Variants in ARID1A observed in about 807,000 individuals in gnomAD.
ARID1A encodes the protein AT-rich interactive domain-containing protein 1A.
A neutral mutation model predicts 212.6 loss-of-function variants in ARID1A; 20 were observed. That is an observed-to-expected ratio of 0.09 (90% CI 0.07 to 0.14). The LOEUF (loss-of-function observed/expected upper bound fraction) is 0.14, where lower values mean the gene tolerates loss of function less well. Among genes scored for constraint, ARID1A ranks in the 10% least tolerant of loss-of-function variants. The pLI is 1.00. For synonymous variants in ARID1A, 1,376 were observed against 1,222.1 expected (o/e 1.13, Z -2.63); for missense variants, 2,587 against 3,059.0 (o/e 0.85, Z 3.64).
rs2124741061 is a variant in ARID1A, at chr1:26,696,670, C to G, written c.267C>G (p.Gly89=). ...GGGGTGGCGGCGGCGGCGGAGCCGG[C>G]AGCGGCGGCGGGCCCGGCGCGGAGC... ...SNGGGGGGGA[G]SGGGPGAEPD... is the part of the protein sequence containing the mutation. The change falls in exon 1 of 20, where the codon GGC becomes GGG. Residue 89 remains glycine (G), a synonymous_variant. Transcript: ENST00000324856. 7.6e-7 allele frequency: 1 copy of G among 1,322,760 alleles called. No individual in the cohort carries two copies. Among genetic ancestry groups the G allele is most frequent in the Non-Finnish European group, 9.6e-7 (1 of 1,038,208 alleles). 81.9% of individuals were successfully genotyped at this position (1,322,760 alleles called of 1,614,324 possible). A position where few individuals can be genotyped will look rare whatever the true frequency, so the allele number is the denominator to read the frequency against.
rs1329989685 is a variant in ARID1A at position 26,696,502 on chromosome 1, G to GGAGGCGGGGGGC, written c.107_118dup (p.Gly36_Ala39dup). 2.4e-6 allele frequency: 3 copies of GGAGGCGGGGGGC among 1,230,786 alleles called. No homozygotes were observed. The highest frequency in any genetic ancestry group is 3.0e-6 in the Non-Finnish European group (3 of 988,876). 76.2% of individuals were successfully genotyped at this position (1,230,786 alleles called of 1,614,324 possible). The stretch of plus-strand genomic sequence containing the variant: ...AGAAAGCCGAGCAGCAGCAGCGGGA[G>GGAGGCGGGGGGC]GAGGCGGGGGGCGAGGCGGCGGCGG... On this transcript the variant is annotated inframe_insertion, in exon 1 of 20. Coordinates refer to ENST00000324856, the MANE Select transcript of ARID1A (RefSeq NM_006015.6).
chr1:26,732,035 C>A (rs1165873784), intron 3 of ARID1A, among the ~76,000 whole-genome samples: 1 of 152,116 alleles, frequency 6.6e-6, no homozygotes, highest in Non-Finnish European at 1.5e-5. Flanking sequence ...ATACTTGGAT[C>A]CCTTCATTTG....
At chr1:26,697,589 T>C (rs1385400008) in intron 1 of ARID1A, 49 bp downstream of exon 1, 1 of 1,267,300 alleles carries the variant, frequency 7.9e-7, no homozygotes, top group Non-Finnish European at 1.0e-6. Context: ...GTCCTGGGGG[T>C]GGGTGGCGGC....
At chr1:26,751,718 A>C (rs1226665709) in intron 4 of ARID1A, among the ~76,000 whole-genome samples, 3 of 152,150 alleles carry the variant, frequency 2.0e-5, no homozygotes, top group African/African-American at 7.2e-5. Context: ...GAACTTTATT[A>C]ACTTTATCTA....
At chr1:26,744,674 C>T (rs1481090340) in intron 4 of ARID1A, among the ~76,000 whole-genome samples, 2 of 152,148 alleles carry the variant, frequency 1.3e-5, no homozygotes, top group Non-Finnish European at 2.9e-5. Context: ...ACTTGGTATC[C>T]TCTCTGGCCC....
At chr1:26,755,682 G>T (rs1358084853) in intron 4 of ARID1A, among the ~76,000 whole-genome samples, 1 of 152,228 alleles carries the variant, frequency 6.6e-6, no homozygotes, top group East Asian at 1.9e-4. Context: ...CTGAAAGTGT[G>T]GCTGAAAGGA....
chr1:26,766,123 C>A (rs2081037135), intron 8 of ARID1A, 98 bp from the exon 9 acceptor site: 4 of 1,374,060 alleles, frequency 2.9e-6, no homozygotes, highest in Middle Eastern at 2.5e-4. Flanking sequence ...TCCTTTTAAT[C>A]CTTACTAGAT....
intron 12 of ARID1A, 116 bp from the exon 13 acceptor site, chr1:26,772,384 C>CTTTAAA: frequency 6.8e-7 from 1 of 1,473,444 alleles, no homozygotes; most frequent in Non-Finnish European, 9.3e-7. Context: ...GGTGATCAGG[C>CTTTAAA]TTTAAAGGCC....
chr1:26,758,656 G>A (rs2080963203), intron 4 of ARID1A, among the ~76,000 whole-genome samples: 2 of 151,678 alleles, frequency 1.3e-5, no homozygotes, highest in East Asian at 1.9e-4. Context: ...AACCAAGGAT[G>A]TAATCCCTCT....
In ARID1A at chr1:26,761,299, G is replaced by A; in HGVS notation, c.2162-85G>A. The A allele has an allele frequency of 1.9e-6, 3 of 1,540,992 alleles. No homozygotes were observed. In the South Asian group the frequency reaches 3.5e-5, roughly 18 times the overall value. ...TGGGAGGTACTTGGCCTCTTCATGA[G>A]CCATTTCTAGCTCTGAATTAACTTC... On this transcript the variant is annotated intron_variant, in intron 5 of 19. Coordinates refer to ENST00000324856, the MANE Select transcript of ARID1A (RefSeq NM_006015.6).
At position 26,772,417 on chromosome 1, in the gene ARID1A, G is replaced by C. The variant is rs1055169698; in HGVS notation, c.3407-83G>C. The C allele has an allele frequency of 2.5e-6, 4 of 1,590,648 alleles. No individual in the cohort carries two copies. The South Asian group carries it at 3.4e-5, about 13-fold the overall frequency. On this transcript the variant is annotated intron_variant, in intron 12 of 19. Transcript: ENST00000324856. Reference sequence around the variant, plus strand: ...GCCTTAGGAAGAACTTTCCCAAAGAGATTCTGGGTCGTTCGTGTGTTTGTG... The same window carrying C: ...GCCTTAGGAAGAACTTTCCCAAAGACATTCTGGGTCGTTCGTGTGTTTGTG...
rs2080867860 is a variant in ARID1A, at chr1:26,749,660, C to T, written c.1921-11196C>T. ...TTTGCAGAGGTGGGTTAGAACAGCACGTTCTCGTATTTTCACAATTAGATT... is the reference window on the plus strand; with the variant it reads ...TTTGCAGAGGTGGGTTAGAACAGCATGTTCTCGTATTTTCACAATTAGATT... On this transcript the variant is annotated intron_variant, in intron 4 of 19. Transcript: ENST00000324856. 3.9e-5 allele frequency among the ~76,000 whole-genome samples: 6 copies of T among 152,298 alleles called. No individual in the cohort carries two copies. The South Asian group carries it at 1.2e-3, about 32-fold the overall frequency.
chr1:26,715,163 G>A (rs576528204), intron 1 of ARID1A, among the ~76,000 whole-genome samples: 309 of 152,168 alleles, frequency 2.0e-3, no homozygotes, highest in African/African-American at 6.5e-3. Flanking sequence ...GCTAGGGGCA[G>A]TTTTTATCTT....
In ARID1A at chr1:26,731,437, C is replaced by A. The variant is rs2124789458; in HGVS notation, c.1636C>A (p.Gln546Lys). The change falls in exon 3 of 20, where the codon CAG becomes AAG. Residue 546 changes from glutamine (Q) to lysine (K), a missense_variant. Physicochemically the swap from Gln to Lys is moderately conservative, Grantham distance 53. This residue lies in a region of ARID1A where 674 missense variants were observed against 813.4 expected (regional missense o/e 0.83). Coordinates refer to ENST00000324856, the MANE Select transcript of ARID1A (RefSeq NM_006015.6). ...GCAGTCGACGACACAGCAGCACCCC[C>A]AGAGCCAGCCCCCCTACTCACAGCC... ...SQQSTTQQHP[Q>K]SQPPYSQPQA... 2 of 1,613,984 alleles carry A rather than the reference C, an allele frequency of 1.2e-6. No homozygotes were observed. The highest frequency in any genetic ancestry group is 1.7e-6 in the Non-Finnish European group (2 of 1,179,998).
intron 4 of ARID1A, among the ~76,000 whole-genome samples, chr1:26,756,669 G>T (rs766994177): frequency 5.3e-5 from 8 of 151,242 alleles, no homozygotes; most frequent in Admixed American, 2.0e-4. Flanking sequence ...GACAGCCATG[G>T]GGCACTTTGG....
At position 26,697,380 on chromosome 1, in the gene ARID1A, G is replaced by A. The variant is rs1421209084; in HGVS notation, c.977G>A (p.Gly326Asp). 1.5e-6 allele frequency: 2 copies of A among 1,316,210 alleles called. No homozygotes were observed. Among genetic ancestry groups the A allele is most frequent in the Non-Finnish European group, 1.9e-6 (2 of 1,039,986 alleles). 81.5% of individuals were successfully genotyped at this position (1,316,210 alleles called of 1,614,324 possible). A position where few individuals can be genotyped will look rare whatever the true frequency, so the allele number is the denominator to read the frequency against. ...GGCGGGCCCCAGGACGGGGGCGCCG[G>A]CAAGGGCCCGGCGGACATGGCCTCG... ...YSGGPQDGGA[G>D]KGPADMASQC... The change falls in exon 1 of 20, where the codon GGC becomes GAC. Residue 326 changes from glycine (G) to aspartate (D), a missense_variant. Around this residue, in one of 11 missense-constraint regions of ARID1A, gnomAD observed 735 missense variants for 590.6 expected, o/e 1.24. Transcript: ENST00000324856.
intron 4 of ARID1A, among the ~76,000 whole-genome samples, chr1:26,744,781 A>C (rs1008241135): frequency 2.0e-5 from 3 of 152,194 alleles, no homozygotes; most frequent in Non-Finnish European, 4.4e-5. Flanking sequence ...GGGATGGAAA[A>C]GAAAGCGTGT....
At chr1:26,757,430 A>G (rs1362549525) in intron 4 of ARID1A, among the ~76,000 whole-genome samples, 3 of 150,432 alleles carry the variant, frequency 2.0e-5, no homozygotes, top group Non-Finnish European at 3.0e-5. Context: ...CGATAGCGCC[A>G]CTGCACTCCA....
Position 26,781,292 on chromosome 1 carries a change from G to C in ARID1A, c.*536G>C, listed in dbSNP as rs2081192575. 4.3e-6 allele frequency: 1 copy of C among 235,070 alleles called. No individual in the cohort carries two copies. Among genetic ancestry groups the C allele is most frequent in the Non-Finnish European group, 8.4e-6 (1 of 119,150 alleles). The allele number at this position is 235,070 out of a possible 1,614,324, so 14.6% of individuals were successfully genotyped here. ...AAGTTCGCAGTTGTGAACAGACCCTGTTCACTGGAGAGGCCTGTGCAGTAG... is the reference window on the plus strand; with the variant it reads ...AAGTTCGCAGTTGTGAACAGACCCTCTTCACTGGAGAGGCCTGTGCAGTAG... On this transcript the variant is annotated 3_prime_UTR_variant, in exon 20 of 20. Transcript: ENST00000324856.
Sources: allele counts gnomAD v4.1 joint callset (sites outside exome capture counted in the v4.1 genomes callset), GRCh38; gene constraint gnomAD v4.1.1; regional missense constraint gnomAD v4.1.1; transcripts MANE v1.5; gene names NCBI Gene and HGNC (gene_info 2026-07-23, HGNC 2026-07-21).